The following DACH2 variants were observed in gnomAD, a reference collection of about 807,000 sequenced individuals.
The protein encoded by DACH2 is dachshund homolog 2.
DACH2 carries 17 observed loss-of-function variants against 35.8 expected under a neutral mutation model. The observed-to-expected ratio is 0.48, with a 90% confidence interval of 0.33 to 0.71. The LOEUF (loss-of-function observed/expected upper bound fraction) is 0.71. DACH2 is among the 30% of genes least tolerant of loss of function. DACH2 has a pLI of 0.02. For synonymous variants in DACH2, 195 were observed against 177.3 expected (o/e 1.10, Z -0.79); for missense variants, 469 against 472.7 (o/e 0.99, Z 0.07).
chrX:86,171,024 G>A (rs1211598660), intron 1 of DACH2, among the ~76,000 whole-genome samples: 1 of 112,067 alleles, frequency 8.9e-6, no homozygotes, highest in Non-Finnish European at 1.9e-5. Context: ...AATCAGATAT[G>A]CATCTATCTA....
chrX:86,577,148 A>G (rs1413282373), intron 3 of DACH2, among the ~76,000 whole-genome samples: 1 of 112,041 alleles, frequency 8.9e-6, no homozygotes, highest in African/African-American at 3.2e-5. Flanking sequence ...TAATTTAGAT[A>G]CCAAACCAAC....
rs1413648759 is a variant in DACH2, at chrX:86,354,104, CA to C, written c.489-22716del. On this transcript the variant is annotated intron_variant, in intron 1 of 11. Coordinates refer to ENST00000373125, the MANE Select transcript of DACH2 (RefSeq NM_053281.3). ...CACTGGCCATCAGAGAAATGCAAAT[CA>C]AAACCACTATGAGATATCATCTCAC... is the stretch of plus-strand genomic sequence containing the variant. Among the ~76,000 whole-genome samples, 36 of 33,812 alleles carry C rather than the reference CA, an allele frequency of 1.1e-3. 11 individuals carry two copies. The highest frequency in any genetic ancestry group is 6.6e-3 in the African/African-American group (36 of 5,442). The allele number at this position is 33,812 out of a possible 115,157, so 29.4% of individuals were successfully genotyped here. A position where few individuals can be genotyped will look rare whatever the true frequency, so the allele number is the denominator to read the frequency against.
At chrX:86,399,713 C>G (rs1420752698) in intron 2 of DACH2, among the ~76,000 whole-genome samples, 4 of 111,910 alleles carry the variant, frequency 3.6e-5, no homozygotes, top group African/African-American at 6.5e-5. Context: ...TTGGCCCCCA[C>G]TCTCTTCTGG....
chrX:86,605,494 T>TA (rs773066465), intron 3 of DACH2, among the ~76,000 whole-genome samples: 24 of 111,203 alleles, frequency 2.2e-4, no homozygotes, highest in South Asian at 7.4e-4. Flanking sequence ...AAGTCTGATT[T>TA]AAAAAAAATC....
chrX:86,540,155 T>C (rs1174288702), intron 3 of DACH2, among the ~76,000 whole-genome samples: 4 of 112,216 alleles, frequency 3.6e-5, no homozygotes, highest in Non-Finnish European at 7.5e-5. Flanking sequence ...ATGAGCATTA[T>C]AGAGAATGCG....
At chrX:86,673,473 G>T (rs935646653) in intron 4 of DACH2, among the ~76,000 whole-genome samples, 1 of 111,064 alleles carries the variant, frequency 9.0e-6, no homozygotes, top group African/African-American at 3.3e-5. Context: ...TTTGCAACAG[G>T]TGTATTTATC....
intron 3 of DACH2, among the ~76,000 whole-genome samples, chrX:86,543,083 G>A (rs777209673): frequency 3.0e-4 from 34 of 111,658 alleles, no homozygotes; most frequent in African/African-American, 1.0e-3. Context: ...AGAGACAGAG[G>A]CATTAAGACT....
chrX:86,771,154 G>A (rs2041985028), intron 7 of DACH2, among the ~76,000 whole-genome samples: 1 of 113,001 alleles, frequency 8.8e-6, no homozygotes, highest in Admixed American at 9.3e-5. Flanking sequence ...CTATAAGTCA[G>A]TTTGCTGATG....
intron 5 of DACH2, among the ~76,000 whole-genome samples, chrX:86,710,055 C>T (rs1292051737): frequency 1.8e-5 from 2 of 111,719 alleles, no homozygotes; most frequent in Non-Finnish European, 3.8e-5. Flanking sequence ...CACACAAAAA[C>T]CTATACACCA....
intron 1 of DACH2, among the ~76,000 whole-genome samples, chrX:86,337,678 C>A (rs749000981): frequency 4.5e-5 from 5 of 111,838 alleles, no homozygotes; most frequent in Admixed American, 3.8e-4. Context: ...AACCAGCTAG[C>A]ATCATAATGA....
intron 2 of DACH2, among the ~76,000 whole-genome samples, chrX:86,463,138 T>C (rs1472754070): frequency 9.0e-6 from 1 of 110,825 alleles, no homozygotes; most frequent in Non-Finnish European, 1.9e-5. Flanking sequence ...TGTTAATTAT[T>C]GTACTTTGAG....
intron 1 of DACH2, among the ~76,000 whole-genome samples, chrX:86,321,334 TAGGGGGC>T (rs1175930922): frequency 9.0e-6 from 1 of 111,638 alleles, no homozygotes; most frequent in Non-Finnish European, 1.9e-5. Context: ...CCTCCCAATA[TAGGGGGC>T]TTTCTGAGGA....
At chrX:86,802,539 A>G (rs1402741491) in intron 7 of DACH2, among the ~76,000 whole-genome samples, 1 of 107,896 alleles carries the variant, frequency 9.3e-6, no homozygotes, top group Non-Finnish European at 1.9e-5. Flanking sequence ...AAAAAAAAAA[A>G]AAAAAAAAAA....
At chrX:86,306,275 T>C (rs1208624150) in intron 1 of DACH2, among the ~76,000 whole-genome samples, 1 of 112,135 alleles carries the variant, frequency 8.9e-6, no homozygotes, top group Non-Finnish European at 1.9e-5. Context: ...CAAAAAAGAA[T>C]GAAATCCTGT....
intron 4 of DACH2, among the ~76,000 whole-genome samples, chrX:86,690,854 T>C (rs904920378): frequency 2.7e-5 from 3 of 111,964 alleles, no homozygotes; most frequent in Admixed American, 9.5e-5. Flanking sequence ...CAATAGTTGC[T>C]TGTAGTACTG....
intron 7 of DACH2, among the ~76,000 whole-genome samples, chrX:86,784,252 C>A (rs1282893221): frequency 9.1e-6 from 1 of 109,337 alleles, no homozygotes; most frequent in Non-Finnish European, 1.9e-5. Context: ...TATCTAGAAT[C>A]TATAAGGAAT....
At chrX:86,444,836 G>T (rs1403151104) in intron 2 of DACH2, among the ~76,000 whole-genome samples, 1 of 110,620 alleles carries the variant, frequency 9.0e-6, no homozygotes, top group Non-Finnish European at 1.9e-5. Flanking sequence ...ATATTTAAAA[G>T]ATCATATAAG....
At chrX:86,407,881 C>T (rs1378825196) in intron 2 of DACH2, among the ~76,000 whole-genome samples, 1 of 112,035 alleles carries the variant, frequency 8.9e-6, no homozygotes, top group Non-Finnish European at 1.9e-5. Flanking sequence ...TCTGGTATCA[C>T]AACCCATTTA....
intron 3 of DACH2, among the ~76,000 whole-genome samples, chrX:86,539,945 G>T (rs1457345559): frequency 9.0e-6 from 1 of 111,057 alleles, no homozygotes; most frequent in African/African-American, 3.3e-5. Context: ...TCGAAAGGGG[G>T]TCTCTCTACA....
Sources: allele counts gnomAD v4.1 joint callset (sites outside exome capture counted in the v4.1 genomes callset), GRCh38; gene constraint gnomAD v4.1.1; transcripts MANE v1.5; gene names NCBI Gene and HGNC (gene_info 2026-07-23, HGNC 2026-07-21).